Variants in XKR9 observed in about 807,000 individuals in gnomAD.
XKR9 encodes the protein XK related 9, also known as XK-related protein 9.
A neutral mutation model predicts 32.0 loss-of-function variants in XKR9; 32 were observed. The observed-to-expected ratio is 1.00, with a 90% CI of 0.76 to 1.34. The LOEUF is 1.34. Among genes scored for constraint, XKR9 ranks in the 40% most tolerant of loss-of-function variants. XKR9 has a pLI of 0.00. For synonymous variants in XKR9, 168 were observed against 143.4 expected (o/e 1.17, Z -1.22); for missense variants, 546 against 429.7 (o/e 1.27, Z -2.39).
At chr8:71,025,673 C>T in the XKR9 span, among the ~76,000 whole-genome samples, 1 of 152,202 alleles carries the variant, frequency 6.6e-6, no homozygotes, top group Non-Finnish European at 1.5e-5. Flanking sequence ...AGCTTTCTGA[C>T]AATCTGTCCA....
At chr8:70,741,361 G>C (rs1378775830) in intron 2 of XKR9, among the ~76,000 whole-genome samples, 1 of 152,320 alleles carries the variant, frequency 6.6e-6, no homozygotes, top group South Asian at 2.1e-4. Context: ...GCCCTCATCA[G>C]ATGCTAGTGC....
At chr8:70,850,483 AAG>A in the XKR9 span, among the ~76,000 whole-genome samples, 24,986 of 122,742 alleles carry the variant, frequency 0.2, 3,321 homozygotes, top group Non-Finnish European at 0.31. Context: ...AAAAAAAAAA[AAG>A]AAAGAAAATT....
At chr8:70,848,319 A>T in the XKR9 span, among the ~76,000 whole-genome samples, 1 of 152,070 alleles carries the variant, frequency 6.6e-6, no homozygotes, top group African/African-American at 2.4e-5. Flanking sequence ...ATACCTCAAA[A>T]TATGACAGAC....
At chr8:70,776,639 A>G (rs1807524013) in intron 2 of XKR9, among the ~76,000 whole-genome samples, 2 of 151,938 alleles carry the variant, frequency 1.3e-5, no homozygotes, top group Non-Finnish European at 1.5e-5. Context: ...GGCTGCAGGG[A>G]AAAGCCAGGT....
chr8:71,063,846 A>G, the XKR9 span, among the ~76,000 whole-genome samples: 35 of 152,350 alleles, frequency 2.3e-4, 2 homozygotes, highest in East Asian at 6.8e-3. Context: ...TTTCAATTCT[A>G]AAAAATAGAC....
At chr8:70,829,339 A>C in the XKR9 span, among the ~76,000 whole-genome samples, 2 of 152,222 alleles carry the variant, frequency 1.3e-5, no homozygotes, top group African/African-American at 4.8e-5. Context: ...ACATACTTTT[A>C]TTTCCATGAA....
the XKR9 span, among the ~76,000 whole-genome samples, chr8:70,974,371 T>C: frequency 6.6e-6 from 1 of 152,158 alleles, no homozygotes; most frequent in Non-Finnish European, 1.5e-5. Flanking sequence ...TAGGTATTTC[T>C]CCTAATGCTC....
the XKR9 span, among the ~76,000 whole-genome samples, chr8:70,907,171 T>C: frequency 6.6e-6 from 1 of 152,206 alleles, no homozygotes; most frequent in African/African-American, 2.4e-5. Context: ...ATAAAATTTA[T>C]GTTTTGCCTG....
chr8:70,800,650 T>C, the XKR9 span, among the ~76,000 whole-genome samples: 13 of 152,174 alleles, frequency 8.5e-5, no homozygotes, highest in East Asian at 2.5e-3. Context: ...CACGCCCAGC[T>C]AATTTTTGTA....
chr8:70,725,043 C>T (rs190428011), intron 4 of XKR9, among the ~76,000 whole-genome samples: 2 of 152,186 alleles, frequency 1.3e-5, no homozygotes, highest in Admixed American at 1.3e-4. Flanking sequence ...TCCTTCTTTA[C>T]GTGGCACCAG....
chr8:70,774,708 G>T (rs1283935040), intron 2 of XKR9, among the ~76,000 whole-genome samples: 2 of 151,956 alleles, frequency 1.3e-5, no homozygotes, highest in Admixed American at 1.3e-4. Flanking sequence ...AAAATAAATT[G>T]ACCCTATATG....
chr8:70,781,265 GTTAT>G (rs1807612416), intron 2 of XKR9, among the ~76,000 whole-genome samples: 1 of 151,816 alleles, frequency 6.6e-6, no homozygotes, highest in Admixed American at 6.6e-5. Context: ...TTTAAATTGG[GTTAT>G]TTGTCTCTTT....
chr8:70,700,454 A>C (rs1014035383), intron 3 of XKR9, among the ~76,000 whole-genome samples: 11 of 152,124 alleles, frequency 7.2e-5, no homozygotes, highest in East Asian at 1.9e-4. Flanking sequence ...CCACTCCAGA[A>C]CCTGTTTGCC....
chr8:70,771,346 G>C (rs1178048506), intron 2 of XKR9, among the ~76,000 whole-genome samples: 1 of 152,206 alleles, frequency 6.6e-6, no homozygotes, highest in East Asian at 1.9e-4. Context: ...GACTGGAGCT[G>C]TTCCTATTCG....
the XKR9 span, among the ~76,000 whole-genome samples, chr8:70,814,983 T>C: frequency 2.6e-5 from 4 of 152,304 alleles, no homozygotes; most frequent in African/African-American, 9.6e-5. Context: ...AAGAAGGCCA[T>C]ACTATTTACA....
At chr8:70,833,353 T>A in the XKR9 span, among the ~76,000 whole-genome samples, 1 of 152,228 alleles carries the variant, frequency 6.6e-6, no homozygotes, top group Non-Finnish European at 1.5e-5. Context: ...AGTCCTTGCC[T>A]ACATTGTTTA....
the XKR9 span, among the ~76,000 whole-genome samples, chr8:71,026,758 A>G: frequency 6.6e-6 from 1 of 152,220 alleles, no homozygotes; most frequent in Non-Finnish European, 1.5e-5. Flanking sequence ...CTCTTCTGAC[A>G]GTGATAATTT....
At chr8:70,687,312 C>CTCCTTCTTTCTTTCTT (rs751381873) in intron 3 of XKR9, among the ~76,000 whole-genome samples, 5 of 138,356 alleles carry the variant, frequency 3.6e-5, no homozygotes, top group Middle Eastern at 3.5e-3. Context: ...TCTCTCCTCC[C>CTCCTTCTTTCTTTCTT]TCTTTCTTTC....
chr8:70,669,703 G>T (rs1256439133), intron 1 of XKR9, among the ~76,000 whole-genome samples, 165 bp downstream of exon 1: 6 of 126,874 alleles, frequency 4.7e-5, no homozygotes, highest in Admixed American at 1.9e-4. Context: ...GTCTCGGTCT[G>T]TCGCCCAGGC....
Sources: allele counts gnomAD v4.1 joint callset (sites outside exome capture counted in the v4.1 genomes callset), GRCh38; gene constraint gnomAD v4.1.1; transcripts MANE v1.5; gene names NCBI Gene and HGNC (gene_info 2026-07-23, HGNC 2026-07-21).